The following MUC5B variants were observed in gnomAD, a reference collection of about 807,000 sequenced individuals.
MUC5B encodes mucin-5B.
A neutral mutation model predicts 376.9 loss-of-function variants in MUC5B; 116 were observed. That is an observed-to-expected ratio of 0.31 (90% CI 0.26 to 0.36). The LOEUF is 0.36. MUC5B is among the 10% of genes least tolerant of loss of function. The pLI is 1.00. For missense variants in MUC5B, 7,165 were observed against 7,769.9 expected (o/e 0.92, Z 2.93); for synonymous variants, 3,517 against 3,390.9 (o/e 1.04, Z -1.29).
intron 48 of MUC5B, 113 bp downstream of exon 48, chr11:1,260,841 G>A (rs1862977787): frequency 4.0e-6 from 3 of 743,742 alleles, no homozygotes; most frequent in Admixed American, 2.2e-5. Context: ...CCAGCTCCAG[G>A]AAGGAGGGAA....
Position 1,230,526 on chromosome 11 carries a change from C to T in MUC5B, c.1396C>T (p.Leu466=), listed in dbSNP as rs375345506. The T allele has an allele frequency of 2.3e-4, 365 of 1,611,260 alleles. No individual in the cohort carries two copies. The highest frequency in any genetic ancestry group is 2.9e-4 in the Non-Finnish European group (344 of 1,179,046). Residue 466 remains leucine (L), a synonymous_variant, in exon 12 of 49, where the codon CTG becomes TTG. Transcript: ENST00000529681. ...ADSSFTVLAE[L]RKCGLTDNEN... is the part of the protein sequence containing the mutation. Reference sequence around the variant, plus strand: ...CAGCAGCTTCACCGTGCTGGCTGAGCTGCGGAAGTGCGGCCTGACGGACAA... The same window carrying T: ...CAGCAGCTTCACCGTGCTGGCTGAGTTGCGGAAGTGCGGCCTGACGGACAA...
Position 1,249,505 on chromosome 11 carries a change from A to C in MUC5B, c.12625A>C (p.Lys4209Gln), listed in dbSNP as rs748259528. Reference sequence around the variant, plus strand: ...CTGCAGGAACCGTGAGCAGGTGGGGAAGTTCAAGATGTGCTTCAACTATGA... The same window carrying C: ...CTGCAGGAACCGTGAGCAGGTGGGGCAGTTCAAGATGTGCTTCAACTATGA... ...LVCRNREQVG[K>Q]FKMCFNYEIR... is the part of the protein sequence containing the mutation. The change falls in exon 31 of 49, where the codon AAG becomes CAG. Residue 4209 changes from lysine (K) to glutamine (Q), a missense_variant. By Grantham distance (53) the Lys-to-Gln change is moderately conservative. This residue lies in a region of MUC5B where 38 missense variants were observed against 72.5 expected (regional missense o/e 0.52). Transcript: ENST00000529681. 2 of 1,611,568 alleles carry C rather than the reference A, an allele frequency of 1.2e-6. No individual in the cohort carries two copies. The highest frequency in any genetic ancestry group is 3.3e-5 in the Admixed American group (2 of 60,002).
Position 1,251,497 on chromosome 11 carries a change from A to G in MUC5B, c.14617A>G (p.Thr4873Ala), listed in dbSNP as rs775486456. The G allele has an allele frequency of 1.2e-6, 2 of 1,613,192 alleles. No individual in the cohort carries two copies. Among genetic ancestry groups the G allele is most frequent in the East Asian group, 2.2e-5 (1 of 44,876 alleles). ...STATASSTLG[T>A]AHTPKVVTTM... Reference sequence around the variant, plus strand: ...GGCCACCGCCTCCTCCACTCTGGGAACAGCTCACACCCCCAAAGTGGTGAC... The same window carrying G: ...GGCCACCGCCTCCTCCACTCTGGGAGCAGCTCACACCCCCAAAGTGGTGAC... The change falls in exon 31 of 49, where the codon ACA becomes GCA. Residue 4873 changes from threonine (T) to alanine (A), a missense_variant. Transcript: ENST00000529681.
intron 48 of MUC5B, 146 bp downstream of exon 48, chr11:1,260,874 C>T (rs1028690961): frequency 1.5e-6 from 1 of 653,384 alleles, no homozygotes; most frequent in African/African-American, 1.8e-5. Flanking sequence ...CAGGGCTCCC[C>T]CTCTCCACGT....
chr11:1,239,068 C>T (rs1862219972), intron 26 of MUC5B, 41 bp downstream of exon 26: 3 of 1,556,974 alleles, frequency 1.9e-6, no homozygotes, highest in African/African-American at 1.4e-5. Flanking sequence ...GGTGGAGCTG[C>T]TGGGGCAGGG....
intron 26 of MUC5B, 28 bp from the exon 27 acceptor site, chr11:1,239,405 GCGCCT>G: frequency 6.3e-7 from 1 of 1,585,696 alleles, no homozygotes; most frequent in East Asian, 2.3e-5. Flanking sequence ...GGGCTGGTGG[GCGCCT>G]CCTTAGCCTC....
Position 1,228,756 on chromosome 11 carries a change from G to A in MUC5B, c.967G>A (p.Glu323Lys), listed in dbSNP as rs1255683308. 6.6e-7 allele frequency: 1 copy of A among 1,509,434 alleles called. No individual in the cohort carries two copies. Among genetic ancestry groups the A allele is most frequent in the South Asian group, 1.2e-5 (1 of 81,614 alleles). The allele number at this position is 1,509,434 out of a possible 1,614,324, so 93.5% of individuals were successfully genotyped here. A position where few individuals can be genotyped will look rare whatever the true frequency, so the allele number is the denominator to read the frequency against. Residue 323 changes from glutamate to lysine, a missense_variant, in exon 8 of 49, where the codon GAG becomes AAG. Physicochemically the swap from Glu to Lys is moderately conservative, Grantham distance 56. This residue lies in a region of MUC5B where 640 missense variants were observed against 733.0 expected (regional missense o/e 0.87). Transcript: ENST00000529681. ...CCAGCCGCGGAACTGGAGGTGCCCT[G>A]AGCTCTGCCGTGAGTGCTCCCAGGG... ...GGQPRNWRCP[E>K]LCPRTCPLNM...
chr11:1,258,177 GC>G lies in MUC5B; in HGVS notation c.16530del (p.Asp5511ThrfsTer91). ...GAGTCCATCTGCACCCAGGAGGAGG[GC>G]GACTGCTGTCCCACCTTCCGCTGCA... Reference protein sequence around the residue: ...GQESICTQEEGDCCPTFRCRP... With the variant: ...GQESICTQEEXDCCPTFRCRP... On this transcript the variant is annotated frameshift_variant, in exon 42 of 49. Coordinates refer to ENST00000529681, the MANE Select transcript of MUC5B (RefSeq NM_002458.3). LOFTEE classifies it high-confidence loss of function. The surrounding 1 kb of genome is among the most constrained non-coding windows in gnomAD (Gnocchi z 5.5). 6.3e-7 allele frequency: 1 copy of G among 1,599,948 alleles called. No individual in the cohort carries two copies. The highest frequency in any genetic ancestry group is 8.5e-7 in the Non-Finnish European group (1 of 1,174,954).
chr11:1,224,860 G>A (rs968012465), intron 1 of MUC5B, among the ~76,000 whole-genome samples: 2 of 152,128 alleles, frequency 1.3e-5, no homozygotes, highest in African/African-American at 4.8e-5. Flanking sequence ...TGCTGTGGGG[G>A]CTGGGGCCTC....
intron 34 of MUC5B, 24 bp from the exon 35 acceptor site, chr11:1,254,670 C>T (rs1282192518): frequency 1.9e-6 from 3 of 1,603,202 alleles, no homozygotes; most frequent in Non-Finnish European, 2.6e-6. Flanking sequence ...CCTCCCAGCT[C>T]AGGGTTCCCC....
chr11:1,241,728 G>A lies in MUC5B; in HGVS notation c.4848G>A (p.Leu1616=), dbSNP rs754510075. ...RATTPPPTTE[L]ETATTTTTQA... is the part of the protein sequence containing the mutation. ...CAACCCCGCCACCGACCACAGAGCT[G>A]GAGACGGCCACCACCACCACCACCC... The change falls in exon 31 of 49, where the codon CTG becomes CTA. Residue 1616 remains leucine (L), a synonymous_variant. Transcript: ENST00000529681. 6.2e-7 allele frequency: 1 copy of A among 1,612,308 alleles called. No individual in the cohort carries two copies. The highest frequency in any genetic ancestry group is 1.1e-5 in the South Asian group (1 of 90,994).
chr11:1,246,161 T>C lies in MUC5B; in HGVS notation c.9281T>C (p.Ile3094Thr). ...ACACCCATGGCCACCATGTCCACAATCCACCCCTCCTCCACTCCGGAGACC... is the reference window on the plus strand; with the variant it reads ...ACACCCATGGCCACCATGTCCACAACCCACCCCTCCTCCACTCCGGAGACC... The part of the protein sequence containing the change: ...TTTPMATMST[I>T]HPSSTPETTH... Residue 3094 changes from isoleucine to threonine, a missense_variant, in exon 31 of 49, where the codon ATC (isoleucine) becomes ACC (threonine). Ile to Thr is a moderately conservative substitution (Grantham distance 89, BLOSUM62 -1). This residue lies in a region of MUC5B where 939 missense variants were observed against 770.6 expected (regional missense o/e 1.22). Coordinates refer to ENST00000529681, the MANE Select transcript of MUC5B (RefSeq NM_002458.3). The C allele has an allele frequency of 6.3e-7, 1 of 1,588,642 alleles. No individual in the cohort carries two copies. The highest frequency in any genetic ancestry group is 8.5e-7 in the Non-Finnish European group (1 of 1,170,114).
rs11825592 is a variant in MUC5B, at chr11:1,243,208, A to G, written c.6328A>G (p.Thr2110Ala). Residue 2110 changes from threonine (T) to alanine (A), a missense_variant, in exon 31 of 49, where the codon ACA becomes GCA. Physicochemically the swap from Thr to Ala is moderately conservative, Grantham distance 58. Around this residue, in one of 31 missense-constraint regions of MUC5B, gnomAD observed 897 missense variants for 779.6 expected, o/e 1.15. Transcript: ENST00000529681. ...HTATVLTTTT[T>A]TVATGSMATP... Reference sequence around the variant, plus strand: ...CGCCACAGTGCTGACCACCACCACCACAACTGTGGCCACTGGTTCTATGGC... The same window carrying G: ...CGCCACAGTGCTGACCACCACCACCGCAACTGTGGCCACTGGTTCTATGGC... 814 of 1,585,760 alleles carry G rather than the reference A, an allele frequency of 5.1e-4. 4 individuals carry two copies. In the African/African-American group the frequency reaches 1.0e-2, roughly 19 times the overall value.
At position 1,257,607 on chromosome 11, in the gene MUC5B, G is replaced by A. The variant is rs370382592; in HGVS notation, c.16347G>A (p.Leu5449=). ...CAGTGTCGGTGCAGTGCAAGCCCCT[G>A]CCCTGTGACGCCCAGGGTCAGCCCC... ...EGSVSVQCKP[L]PCDAQGQPPP... is the part of the protein sequence containing the mutation. Residue 5449 remains leucine, a synonymous_variant, in exon 41 of 49, where the codon CTG becomes CTA. Coordinates refer to ENST00000529681, the MANE Select transcript of MUC5B (RefSeq NM_002458.3). This position sits in a 1 kb window ranked among gnomAD's most constrained non-coding sequence, Gnocchi z 8.9. The A allele has an allele frequency of 3.7e-5, 60 of 1,604,150 alleles. No homozygotes were observed. Among genetic ancestry groups the A allele is most frequent in the Non-Finnish European group, 5.0e-5 (59 of 1,179,528 alleles).
At position 1,236,508 on chromosome 11, in the gene MUC5B, C is replaced by G. The variant is rs763386600; in HGVS notation, c.3003C>G (p.Ala1001=). Residue 1001 remains alanine (A), a synonymous_variant, in exon 24 of 49, where the codon GCC becomes GCG. Transcript: ENST00000529681. ...IFLVIETHGM[A]VSWDRKTSVF... ...TGGTCATCGAGACCCACGGGATGGC[C>G]GTGTCCTGGGACCGGAAGACCAGCG... 8 of 1,613,002 alleles carry G rather than the reference C, an allele frequency of 5.0e-6. No homozygotes were observed. The East Asian group carries it at 8.9e-5, about 18-fold the overall frequency.
At position 1,258,453 on chromosome 11, in the gene MUC5B, G is replaced by A. The variant is rs1000444500; in HGVS notation, c.16593+86G>A. The A allele has an allele frequency of 6.7e-7, 1 of 1,498,442 alleles. No homozygotes were observed. The allele number at this position is 1,498,442 out of a possible 1,614,324, so 92.8% of individuals were successfully genotyped here. A position where few individuals can be genotyped will look rare whatever the true frequency, so the allele number is the denominator to read the frequency against. ...CGGGGCTCTCTGAGCCCCACTCCTTGTCTTGACATTCCTGCCCTGAGGGCC... is the reference window on the plus strand; with the variant it reads ...CGGGGCTCTCTGAGCCCCACTCCTTATCTTGACATTCCTGCCCTGAGGGCC... On this transcript the variant is annotated intron_variant, in intron 43 of 48. Transcript: ENST00000529681. This position sits in a 1 kb window ranked among gnomAD's most constrained non-coding sequence, Gnocchi z 5.5.
intron 8 of MUC5B, 88 bp from the exon 9 acceptor site, chr11:1,229,082 T>TGTGGAAGGCC (rs1861962143): frequency 5.7e-6 from 8 of 1,395,150 alleles, no homozygotes; most frequent in Admixed American, 2.7e-5. Context: ...CTTGATGGCA[T>TGTGGAAGGCC]GTGGAAGGCC....
Position 1,234,159 on chromosome 11 carries a change from G to A in MUC5B, c.2378-46G>A, listed in dbSNP as rs772566130. ...GGCTGCCTGGGGTCAGTTGAGGGCC[G>A]TGGCTGCCCTTCCCCAGGACCCCTC... On this transcript the variant is annotated intron_variant, in intron 19 of 48. Coordinates refer to ENST00000529681, the MANE Select transcript of MUC5B (RefSeq NM_002458.3). The surrounding 1 kb of genome is among the most constrained non-coding windows in gnomAD (Gnocchi z 6.3). The A allele has an allele frequency of 2.0e-5, 30 of 1,482,670 alleles. No homozygotes were observed. The Middle Eastern group carries it at 7.0e-4, about 35-fold the overall frequency. The allele number at this position is 1,482,670 out of a possible 1,614,324, so 91.8% of individuals were successfully genotyped here. A position where few individuals can be genotyped will look rare whatever the true frequency, so the allele number is the denominator to read the frequency against.
In MUC5B at chr11:1,228,718, C is replaced by T. The variant is rs1369187613; in HGVS notation, c.929C>T (p.Ala310Val). The change falls in exon 8 of 49, where the codon GCC (alanine) becomes GTC (valine). Residue 310 changes from alanine (A) to valine (V), a missense_variant. Around this residue, in one of 31 missense-constraint regions of MUC5B, gnomAD observed 640 missense variants for 733.0 expected, o/e 0.87. Coordinates refer to ENST00000529681, the MANE Select transcript of MUC5B (RefSeq NM_002458.3). ...TTTGTGGAATACTCACGCCAGTGCG[C>T]CCACGCGGGGGGCCAGCCGCGGAAC... ...ATFVEYSRQCAHAGGQPRNWR... is the reference protein window; with the variant it reads ...ATFVEYSRQCVHAGGQPRNWR... 1 of 1,527,880 alleles carries T rather than the reference C, an allele frequency of 6.5e-7. No homozygotes were observed. Among genetic ancestry groups the T allele is most frequent in the South Asian group, 1.2e-5 (1 of 83,656 alleles). 94.6% of individuals were successfully genotyped at this position (1,527,880 alleles called of 1,614,324 possible).
Sources: allele counts gnomAD v4.1 joint callset (sites outside exome capture counted in the v4.1 genomes callset), GRCh38; gene constraint gnomAD v4.1.1; regional missense constraint gnomAD v4.1.1; non-coding constraint Gnocchi (gnomAD v3.1); transcripts MANE v1.5; gene names NCBI Gene and HGNC (gene_info 2026-07-23, HGNC 2026-07-21).